The following DRICH1 variants were observed in gnomAD, a reference collection of about 807,000 sequenced individuals.
DRICH1 encodes the protein aspartate-rich protein 1.
Under a neutral mutation model 39.5 loss-of-function variants are expected in DRICH1, and 38 were observed. That is an observed-to-expected ratio of 0.96 (90% CI 0.74 to 1.26). The LOEUF (loss-of-function observed/expected upper bound fraction) is 1.26. Ranked by LOEUF, DRICH1 falls within the 50% of genes most tolerant of loss-of-function variation. The pLI is 0.00. For synonymous variants in DRICH1, 84 were observed against 99.5 expected (o/e 0.84, Z 0.93); for missense variants, 279 against 270.4 (o/e 1.03, Z -0.22).
downstream of DRICH1, among the ~76,000 whole-genome samples, chr22:23,607,661 C>T (rs566516885): frequency 3.3e-5 from 5 of 152,230 alleles, no homozygotes; most frequent in East Asian, 9.7e-4. Context: ...TGTGGAAATG[C>T]ATGTTCCCAG....
chr22:23,632,284 G>A lies in DRICH1; in HGVS notation c.-261C>T, dbSNP rs1921008244. On this transcript the variant is annotated 5_prime_UTR_variant, in exon 1 of 12. Transcript: ENST00000317749. ...GCAAAAACTGCCATCAAAGAGCACA[G>A]TTGGAGCTCCTCCTCCCTCCACTGC... 2 of 517,528 alleles carry A rather than the reference G, an allele frequency of 3.9e-6. No homozygotes were observed. Among genetic ancestry groups the A allele is most frequent in the East Asian group, 3.6e-5 (1 of 28,086 alleles). The allele number at this position is 517,528 out of a possible 1,614,324, so 32.1% of individuals were successfully genotyped here. A position where few individuals can be genotyped will look rare whatever the true frequency, so the allele number is the denominator to read the frequency against.
At chr22:23,594,961 C>T in the DRICH1 span, among the ~76,000 whole-genome samples, 1 of 146,852 alleles carries the variant, frequency 6.8e-6, no homozygotes, top group African/African-American at 2.5e-5. Context: ...CCCCAGACAA[C>T]TCGCAGGCTC....
At position 23,619,469 on chromosome 22, in the gene DRICH1, A is replaced by G. The variant is rs142999080; in HGVS notation, c.407-76T>C. On this transcript the variant is annotated intron_variant, in intron 5 of 11. Transcript: ENST00000317749. ...CCTCAAATAACCATGGTAATGTTGA[A>G]AAAGAACAGTGTTGGAGGATGCACA... 1.7e-4 allele frequency: 133 copies of G among 764,398 alleles called. No homozygotes were observed. In the African/African-American group the frequency reaches 2.1e-3, roughly 12 times the overall value. The allele number at this position is 764,398 out of a possible 1,614,324, so 47.4% of individuals were successfully genotyped here.
At chr22:23,619,740 T>A (rs939059768) in intron 5 of DRICH1, among the ~76,000 whole-genome samples, 1 of 152,218 alleles carries the variant, frequency 6.6e-6, no homozygotes, top group Non-Finnish European at 1.5e-5. Flanking sequence ...AGGTTGTGCT[T>A]CTCCCTCCAT....
downstream of DRICH1, among the ~76,000 whole-genome samples, chr22:23,606,756 C>A (rs1460985114): frequency 6.6e-6 from 1 of 152,176 alleles, no homozygotes; most frequent in Non-Finnish European, 1.5e-5. Flanking sequence ...CTGTGCCCTG[C>A]TACGGCAGAT....
the DRICH1 span, among the ~76,000 whole-genome samples, chr22:23,594,594 A>G: frequency 0.022 from 3,292 of 152,334 alleles, 43 homozygotes; most frequent in Middle Eastern, 0.041. Flanking sequence ...GTTGAAGTTC[A>G]AGGGAACAAG....
downstream of DRICH1, among the ~76,000 whole-genome samples, chr22:23,604,634 G>T (rs555203814): frequency 1.7e-4 from 26 of 152,328 alleles, no homozygotes; most frequent in South Asian, 4.8e-3. Flanking sequence ...GTGTTGCACA[G>T]GGTCAGCTTT....
chr22:23,623,621 C>T (rs766511403), intron 3 of DRICH1, among the ~76,000 whole-genome samples: 9 of 151,338 alleles, frequency 5.9e-5, no homozygotes, highest in Non-Finnish European at 1.0e-4. Context: ...AAACTGGTAA[C>T]AGCCATGTGT....
intron 3 of DRICH1, among the ~76,000 whole-genome samples, chr22:23,623,124 GCT>G (rs1927864086): frequency 6.6e-6 from 1 of 152,122 alleles, no homozygotes; most frequent in Non-Finnish European, 1.5e-5. Flanking sequence ...CACAAATTTG[GCT>G]GGGCATGGTG....
intron 11 of DRICH1, among the ~76,000 whole-genome samples, chr22:23,610,935 C>G (rs1194011206): frequency 7.3e-6 from 1 of 137,646 alleles, no homozygotes; most frequent in Non-Finnish European, 1.5e-5. Context: ...CTGGGTGATT[C>G]TCTTTGATTC....
At chr22:23,620,398 G>T (rs1254273910) in intron 5 of DRICH1, among the ~76,000 whole-genome samples, 196 bp downstream of exon 5, 1 of 152,012 alleles carries the variant, frequency 6.6e-6, no homozygotes, top group Non-Finnish European at 1.5e-5. Flanking sequence ...AGACACACTG[G>T]CTCACACAAA....
At chr22:23,594,309 C>T in the DRICH1 span, among the ~76,000 whole-genome samples, 29 of 152,322 alleles carry the variant, frequency 1.9e-4, no homozygotes, top group African/African-American at 6.7e-4. Flanking sequence ...TGGCTCACGC[C>T]TGTAATCAAA....
chr22:23,619,318 C>G (rs1927567470), intron 6 of DRICH1, 46 bp downstream of exon 6: 1 of 779,200 alleles, frequency 1.3e-6, no homozygotes. Context: ...TAGGAAGACT[C>G]AGCATGACTA....
intron 10 of DRICH1, 46 bp from the exon 11 acceptor site, chr22:23,613,376 C>T (rs2123765889): frequency 6.9e-7 from 1 of 1,458,744 alleles, no homozygotes; most frequent in East Asian, 2.3e-5. Context: ...GAGAGTGACT[C>T]ACCCACTCCT....
At chr22:23,600,787 C>T in the DRICH1 span, among the ~76,000 whole-genome samples, 3 of 152,008 alleles carry the variant, frequency 2.0e-5, no homozygotes, top group Admixed American at 6.6e-5. Flanking sequence ...ATTCTCCTGC[C>T]TCAGCCTCCT....
chr22:23,626,948 G>C (rs1928101131), intron 1 of DRICH1, among the ~76,000 whole-genome samples: 1 of 152,084 alleles, frequency 6.6e-6, no homozygotes, highest in Non-Finnish European at 1.5e-5. Context: ...TTCAACAATT[G>C]GTCCCTCAGC....
At chr22:23,614,540 G>T (rs1304056862) in intron 8 of DRICH1, among the ~76,000 whole-genome samples, 2 of 152,102 alleles carry the variant, frequency 1.3e-5, no homozygotes, top group Admixed American at 1.3e-4. Context: ...AAACCAACAG[G>T]ATTTTCTTAA....
chr22:23,589,635 C>G, the DRICH1 span, among the ~76,000 whole-genome samples: 1 of 152,196 alleles, frequency 6.6e-6, no homozygotes, highest in South Asian at 2.1e-4. Context: ...ACTAGTGTTA[C>G]GACAAATGCA....
At chr22:23,582,060 ATC>A in the DRICH1 span, among the ~76,000 whole-genome samples, 1 of 137,322 alleles carries the variant, frequency 7.3e-6, no homozygotes, top group Non-Finnish European at 1.6e-5. Context: ...GCTCATGGCA[ATC>A]TCTTTCTCCC....
Sources: gnomAD v4.1 joint callset for allele counts (sites outside exome capture counted in the v4.1 genomes callset) on GRCh38, gnomAD v4.1.1 for gene constraint, MANE v1.5 for transcripts, NCBI Gene and HGNC (gene_info 2026-07-23, HGNC 2026-07-21) for gene names.